LRRC43: variants seen among roughly 807,000 people sequenced by gnomAD.
LRRC43 encodes leucine rich repeat containing 43.
Under a neutral mutation model 64.3 loss-of-function variants are expected in LRRC43, and 62 were observed. That is an observed-to-expected ratio of 0.96 (90% CI 0.79 to 1.19). LRRC43 has a LOEUF of 1.19. LRRC43 is among the 50% of genes most tolerant of loss of function. The pLI, the probability that LRRC43 is intolerant of heterozygous loss-of-function variation, is 0.00. For missense variants in LRRC43, 868 were observed against 845.0 expected (o/e 1.03, Z -0.34); for synonymous variants, 422 against 382.3 (o/e 1.10, Z -1.21).
chr12:122,184,647 C>G lies in LRRC43; in HGVS notation c.279C>G (p.Ser93=). The G allele has an allele frequency of 3.1e-6, 5 of 1,613,966 alleles. No homozygotes were observed. Among genetic ancestry groups the G allele is most frequent in the Non-Finnish European group, 4.2e-6 (5 of 1,179,888 alleles). The change falls in exon 2 of 12, where the codon TCC becomes TCG. Residue 93 remains serine (S), a synonymous_variant. Transcript: ENST00000339777. This position sits in a 1 kb window ranked among gnomAD's most constrained non-coding sequence, Gnocchi z 4.0. ...TGGGCCTGGTCCGCAGCCGCCACTC[C>G]CCCTGGGCTCTGCTGAACAACTCGA... The part of the protein sequence containing the change: ...ALLGLVRSRH[S]PWALLNNSNA...
intron 1 of LRRC43, among the ~76,000 whole-genome samples, chr12:122,169,239 TTA>T (rs1364077397): frequency 1.3e-5 from 2 of 152,140 alleles, no homozygotes; most frequent in Non-Finnish European, 2.9e-5. Flanking sequence ...TGGACATATG[TTA>T]AAGCCACCAC....
At chr12:122,201,233 A>T in intron 10 of LRRC43, 63 bp from the exon 11 acceptor site, 1 of 1,569,290 alleles carries the variant, frequency 6.4e-7, no homozygotes, top group African/African-American at 1.3e-5. Context: ...GGCCCCAGAG[A>T]CACCCCTTCT....
chr12:122,203,202 CTG>C (rs1173989204), intron 11 of LRRC43, 111 bp from the exon 12 acceptor site: 6 of 1,166,436 alleles, frequency 5.1e-6, no homozygotes, highest in South Asian at 3.1e-5. Context: ...AGGACCAAAA[CTG>C]TGCTCCCGCT....
chr12:122,178,411 T>C (rs1032373636), upstream of LRRC43, among the ~76,000 whole-genome samples: 3 of 152,118 alleles, frequency 2.0e-5, no homozygotes, highest in Non-Finnish European at 4.4e-5. Context: ...CTTTACTGTC[T>C]GTCTCCTTCA....
chr12:122,188,516 C>A (rs888795182), intron 4 of LRRC43, among the ~76,000 whole-genome samples: 2 of 150,594 alleles, frequency 1.3e-5, no homozygotes, highest in African/African-American at 4.9e-5. Flanking sequence ...TCTCGGCTCA[C>A]TGCAACCTCC....
Position 122,186,237 on chromosome 12 carries a change from G to A in LRRC43, c.459G>A (p.Glu153=). 5 of 1,606,466 alleles carry A rather than the reference G, an allele frequency of 3.1e-6. No individual in the cohort carries two copies. Among genetic ancestry groups the A allele is most frequent in the South Asian group, 2.2e-5 (2 of 88,956 alleles). ...TCCTGAAATTTCTAAAGCTGGAGGA[G>A]TTGGTACTGAGCGCCAATCGAATCA... The part of the protein sequence containing the change: ...KDLLKFLKLE[E]LVLSANRIKE... The change falls in exon 3 of 12, where the codon GAG becomes GAA. Residue 153 remains glutamate, a synonymous_variant. Coordinates refer to ENST00000339777, the MANE Select transcript of LRRC43 (RefSeq NM_001098519.2).
At chr12:122,169,606 T>C (rs1363563843) in intron 1 of LRRC43, among the ~76,000 whole-genome samples, 49 of 151,026 alleles carry the variant, frequency 3.2e-4, no homozygotes, top group South Asian at 2.1e-4. Flanking sequence ...GTCCCAGCTA[T>C]TCTGGAGGCT....
chr12:122,173,817 T>C (rs1162612263), intron 1 of LRRC43: 1 of 1,604,154 alleles, frequency 6.2e-7, no homozygotes, highest in East Asian at 2.2e-5. Context: ...AGAAATCGTT[T>C]AGAAAAGAAA....
rs1403597740 is a variant in LRRC43 at position 122,200,795 on chromosome 12, A to G, written c.1670A>G (p.Gln557Arg). 2 of 1,612,920 alleles carry G rather than the reference A, an allele frequency of 1.2e-6. No homozygotes were observed. The highest frequency in any genetic ancestry group is 2.7e-5 in the African/African-American group (2 of 74,934). ...AAAGAGCCGCCCAAGGAGCTCCGGC[A>G]GGACCCCCCCATCCTCCAGGTGCTG... ...KKKEPPKELR[Q>R]DPPILQVLGR... The change falls in exon 10 of 12, where the codon CAG becomes CGG. Residue 557 changes from glutamine (Q) to arginine (R), a missense_variant. Transcript: ENST00000339777. This position sits in a 1 kb window ranked among gnomAD's most constrained non-coding sequence, Gnocchi z 4.6.
At chr12:122,185,881 T>C (rs944910507) in intron 2 of LRRC43, among the ~76,000 whole-genome samples, 1 of 152,328 alleles carries the variant, frequency 6.6e-6, no homozygotes, top group African/African-American at 2.4e-5. Context: ...GAGTTCACTG[T>C]GGCTCTGGGG....
Position 122,200,290 on chromosome 12 carries a change from TC to T in LRRC43, c.1453del (p.Leu485CysfsTer7). The T allele has an allele frequency of 6.2e-7, 1 of 1,613,216 alleles. No homozygotes were observed. Among genetic ancestry groups the T allele is most frequent in the Non-Finnish European group, 8.5e-7 (1 of 1,180,006 alleles). Reference sequence around the variant, plus strand: ...AGGGACCTGGTCCCACTGAAGGCCTTCCTGCTGGCGGGGACCACCGTGACCA... The same window carrying T: ...AGGGACCTGGTCCCACTGAAGGCCTTCTGCTGGCGGGGACCACCGTGACCA... ...SLRDLVPLKA[F>X]LLAGTTVTIV... On this transcript the variant is annotated frameshift_variant, in exon 8 of 12. Coordinates refer to ENST00000339777, the MANE Select transcript of LRRC43 (RefSeq NM_001098519.2). LOFTEE classifies it high-confidence loss of function. The surrounding 1 kb of genome is among the most constrained non-coding windows in gnomAD (Gnocchi z 4.6).
At chr12:122,172,258 T>A (rs145338775) in intron 1 of LRRC43, 2 of 606,772 alleles carry the variant, frequency 3.3e-6, no homozygotes, top group African/African-American at 3.7e-5. Flanking sequence ...AATTCACATC[T>A]CAGCCCTCCC....
intron 1 of LRRC43, among the ~76,000 whole-genome samples, chr12:122,183,562 A>G (rs768885269): frequency 6.6e-6 from 1 of 152,136 alleles, no homozygotes; most frequent in African/African-American, 2.4e-5. Context: ...CCAGATTTCT[A>G]GTGGGCAGGC....
chr12:122,191,202 CA>C (rs1271640812), intron 5 of LRRC43, among the ~76,000 whole-genome samples, 177 bp from the exon 6 acceptor site: 1 of 152,160 alleles, frequency 6.6e-6, no homozygotes, highest in African/African-American at 2.4e-5. Flanking sequence ...GGTATAATGA[CA>C]CCTGGATCAC....
chr12:122,191,202 C>A (rs1953713710), intron 5 of LRRC43, among the ~76,000 whole-genome samples, 178 bp from the exon 6 acceptor site: 1 of 152,160 alleles, frequency 6.6e-6, no homozygotes, highest in African/African-American at 2.4e-5. Flanking sequence ...GGTATAATGA[C>A]ACCTGGATCA....
intron 7 of LRRC43, among the ~76,000 whole-genome samples, chr12:122,197,509 G>A (rs567392325): frequency 6.6e-5 from 10 of 152,098 alleles, no homozygotes; most frequent in Admixed American, 3.3e-4. Context: ...TTCGCTAAGT[G>A]TGACTTTCTA....
intron 1 of LRRC43, chr12:122,172,762 G>C (rs1953498712): frequency 2.5e-6 from 4 of 1,573,676 alleles, no homozygotes; most frequent in Non-Finnish European, 3.5e-6. Flanking sequence ...AGGAGAAATG[G>C]TCAGTGTTGG....
chr12:122,173,885 C>T (rs1418570753), intron 1 of LRRC43: 2 of 1,614,170 alleles, frequency 1.2e-6, no homozygotes, highest in Middle Eastern at 1.6e-4. Context: ...AATTCCTCGA[C>T]TATTTTCTGT....
At chr12:122,190,457 G>A (rs969894557) in intron 5 of LRRC43, 89 bp downstream of exon 5, 67 of 1,042,520 alleles carry the variant, frequency 6.4e-5, no homozygotes, top group Non-Finnish European at 7.6e-5. Flanking sequence ...CCGTGTACCC[G>A]TCTGTCCTGC....
Sources: allele counts gnomAD v4.1 joint callset (sites outside exome capture counted in the v4.1 genomes callset), GRCh38; gene constraint gnomAD v4.1.1; non-coding constraint Gnocchi (gnomAD v3.1); transcripts MANE v1.5; gene names NCBI Gene and HGNC (gene_info 2026-07-23, HGNC 2026-07-21).